The following JAK1 variants were observed in gnomAD, a reference collection of about 807,000 sequenced individuals.
The protein encoded by JAK1 is Janus kinase 1, also known as tyrosine-protein kinase JAK1.
Under a neutral mutation model 136.6 loss-of-function variants are expected in JAK1, and 16 were observed. The ratio of observed to expected loss-of-function variants is 0.12; its 90% CI spans 0.08 to 0.18. The LOEUF is 0.18. JAK1 is among the 10% of genes least tolerant of loss of function. The pLI is 1.00. For synonymous variants in JAK1, 492 were observed against 519.5 expected (o/e 0.95, Z 0.72); for missense variants, 859 against 1,450.1 (o/e 0.59, Z 6.62).
At position 64,882,604 on chromosome 1, in the gene JAK1, T is replaced by C. The variant is rs141185304; in HGVS notation, c.205+673A>G. Among the ~76,000 whole-genome samples the C allele has an allele frequency of 1.6e-3, 242 of 152,304 alleles. 2 individuals are homozygous for C. In the South Asian group the frequency reaches 0.019, roughly 12 times the overall value. On this transcript the variant is annotated intron_variant, in intron 3 of 24. Transcript: ENST00000342505. ...CATTTAAAATCAGGCAAGCAAAAAC[T>C]GCCAATGTCCTCAAGTTCAAAGGAT...
chr1:65,051,688 A>G (rs1647288376), intron 1 of JAK1, among the ~76,000 whole-genome samples: 1 of 152,250 alleles, frequency 6.6e-6, no homozygotes, highest in East Asian at 1.9e-4. Flanking sequence ...TTACAAAGAT[A>G]GTAGCAAAAA....
In JAK1 at chr1:64,855,620, C is replaced by T; in HGVS notation, c.1537G>A (p.Asp513Asn). Residue 513 changes from aspartate (D) to asparagine (N), a missense_variant, in exon 11 of 25, where the codon GAC becomes AAC. This residue lies in a region of JAK1 where 409 missense variants were observed against 753.8 expected (regional missense o/e 0.54). Transcript: ENST00000342505. ...QKGRYSLHGS[D>N]RSFPSLGDLM... The stretch of plus-strand genomic sequence containing the variant: ...TCTCCCAAGCTGGGGAAGCTGCGGT[C>T]CGAACCGTGCAGACTGTAGCGGCCC... 1 of 1,614,126 alleles carries T rather than the reference C, an allele frequency of 6.2e-7. No individual in the cohort carries two copies. The highest frequency in any genetic ancestry group is 8.5e-7 in the Non-Finnish European group (1 of 1,180,026).
rs376973357 is a variant in JAK1, at chr1:64,971,839, G to A, written c.-78+72641C>T. 2.0e-4 allele frequency among the ~76,000 whole-genome samples: 31 copies of A among 152,276 alleles called. 5 individuals carry two copies. Among genetic ancestry groups the A allele is most frequent in the Admixed American group, 3.3e-4 (5 of 15,278 alleles). ...CTTCCAAAGTGCTGAGATTACAGGCGTAAGCCACCGTGCTCGGCCTTATCT... is the reference window on the plus strand; with the variant it reads ...CTTCCAAAGTGCTGAGATTACAGGCATAAGCCACCGTGCTCGGCCTTATCT... On this transcript the variant is annotated intron_variant, in intron 2 of 25. Transcript: ENST00000671954.
intron 2 of JAK1, among the ~76,000 whole-genome samples, chr1:65,012,129 G>T (rs1646854683): frequency 6.6e-6 from 1 of 152,174 alleles, no homozygotes; most frequent in Admixed American, 6.5e-5. Context: ...TCATGGGGAG[G>T]TTGAAGTGAC....
chr1:64,857,641 A>G lies in JAK1; in HGVS notation c.1458+15T>C. ...ATGGCTGTATGGCCTGGTCCAAGCCAGTGTCCTGACTGACCTCAGACTTCT... is the reference window on the plus strand; with the variant it reads ...ATGGCTGTATGGCCTGGTCCAAGCCGGTGTCCTGACTGACCTCAGACTTCT... On this transcript the variant is annotated intron_variant, in intron 10 of 24. Transcript: ENST00000342505. The G allele has an allele frequency of 6.2e-7, 1 of 1,613,886 alleles. No homozygotes were observed. Among genetic ancestry groups the G allele is most frequent in the South Asian group, 1.1e-5 (1 of 91,070 alleles).
chr1:65,000,232 C>A (rs775078455), intron 2 of JAK1, among the ~76,000 whole-genome samples: 13 of 152,076 alleles, frequency 8.5e-5, no homozygotes, highest in Admixed American at 8.5e-4. Context: ...CATGATCCGC[C>A]CGCCTTGGCC....
chr1:64,916,395 T>A (rs1645396019), intron 1 of JAK1, among the ~76,000 whole-genome samples: 1 of 152,196 alleles, frequency 6.6e-6, no homozygotes. Flanking sequence ...ACTTCTAGGT[T>A]GATAGAAATG....
At chr1:64,980,976 G>T (rs930357663) in intron 2 of JAK1, among the ~76,000 whole-genome samples, 1 of 152,086 alleles carries the variant, frequency 6.6e-6, no homozygotes, top group African/African-American at 2.4e-5. Flanking sequence ...GTCTATCATT[G>T]TTGGGCATCA....
chr1:65,044,716 T>C (rs1292520464), intron 1 of JAK1, among the ~76,000 whole-genome samples: 1 of 152,098 alleles, frequency 6.6e-6, no homozygotes, highest in African/African-American at 2.4e-5. Context: ...AGGGGAGAGA[T>C]GTACACGCAG....
chr1:64,980,451 G>A (rs970998787), intron 2 of JAK1, among the ~76,000 whole-genome samples: 7 of 151,502 alleles, frequency 4.6e-5, no homozygotes, highest in Admixed American at 1.3e-4. Context: ...TTTTGCCCTC[G>A]CGTTCTCCAT....
chr1:64,906,992 T>C (rs192875787), intron 1 of JAK1, among the ~76,000 whole-genome samples: 1 of 121,220 alleles, frequency 8.2e-6, no homozygotes, highest in African/African-American at 2.9e-5. Flanking sequence ...CTCTTAACAG[T>C]GAGGAGAAGC....
chr1:64,866,104 G>A (rs1372808375), intron 7 of JAK1, among the ~76,000 whole-genome samples: 6 of 152,096 alleles, frequency 3.9e-5, no homozygotes, highest in East Asian at 1.9e-4. Context: ...TAATTGTAAC[G>A]GCTATAATAA....
At chr1:65,056,848 C>T (rs551305851) in intron 1 of JAK1, among the ~76,000 whole-genome samples, 51 of 149,862 alleles carry the variant, frequency 3.4e-4, no homozygotes, top group African/African-American at 1.0e-3. Context: ...CACTTGACCC[C>T]GGGAGGCAGA....
intron 3 of JAK1, among the ~76,000 whole-genome samples, chr1:64,882,774 C>T (rs983059295): frequency 6.6e-6 from 1 of 152,190 alleles, no homozygotes; most frequent in South Asian, 2.1e-4. Context: ...CAAAGCAACA[C>T]TCAGCTTCTC....
intron 2 of JAK1, among the ~76,000 whole-genome samples, chr1:65,008,585 G>A (rs1646822273): frequency 6.6e-6 from 1 of 151,966 alleles, no homozygotes; most frequent in Non-Finnish European, 1.5e-5. Flanking sequence ...TTTCCTTACA[G>A]CTGTACAGGT....
At chr1:64,944,737 T>C (rs1645953110) in intron 1 of JAK1, among the ~76,000 whole-genome samples, 1 of 152,030 alleles carries the variant, frequency 6.6e-6, no homozygotes, top group Admixed American at 6.6e-5. Flanking sequence ...ATAACCACCA[T>C]TTATGTTGGG....
chr1:64,955,926 T>C (rs890821219), intron 1 of JAK1, among the ~76,000 whole-genome samples: 5 of 152,164 alleles, frequency 3.3e-5, no homozygotes, highest in African/African-American at 1.2e-4. Context: ...GATCCTGGCC[T>C]GTGAGCCAAA....
intron 9 of JAK1, 45 bp from the exon 10 acceptor site, chr1:64,857,824 A>G: frequency 6.2e-7 from 1 of 1,609,896 alleles, no homozygotes. Flanking sequence ...CACACCAAAC[A>G]GGACTTTGAA....
chr1:64,873,750 C>T (rs1031730918), intron 4 of JAK1, among the ~76,000 whole-genome samples: 1 of 152,170 alleles, frequency 6.6e-6, no homozygotes, highest in African/African-American at 2.4e-5. Flanking sequence ...AAAGTGACTT[C>T]CCGAAGATCA....
Sources: gnomAD v4.1 joint callset for allele counts (sites outside exome capture counted in the v4.1 genomes callset) on GRCh38, gnomAD v4.1.1 for gene constraint, gnomAD v4.1.1 regional missense constraint, MANE v1.5 for transcripts, NCBI Gene and HGNC (gene_info 2026-07-23, HGNC 2026-07-21) for gene names.